ERN1: variants seen among roughly 807,000 people sequenced by gnomAD.
ERN1 encodes the protein endoplasmic reticulum to nucleus signaling 1, also known as serine/threonine-protein kinase/endoribonuclease IRE1.
A neutral mutation model predicts 113.1 loss-of-function variants in ERN1; 39 were observed. The ratio of observed to expected loss-of-function variants is 0.34; its 90% confidence interval spans 0.27 to 0.45. The LOEUF (loss-of-function observed/expected upper bound fraction) is 0.45. Ranked by LOEUF, ERN1 falls within the 20% of genes least tolerant of loss-of-function variation. The pLI is 1.00. For synonymous variants in ERN1, 507 were observed against 515.9 expected (o/e 0.98, Z 0.23); for missense variants, 976 against 1,274.8 (o/e 0.77, Z 3.57).
At position 64,064,040 on chromosome 17, in the gene ERN1, C is replaced by T. The variant is rs764921751; in HGVS notation, c.1033G>A (p.Gly345Arg). The change falls in exon 10 of 22, where the codon GGA becomes AGA. Residue 345 changes from glycine (G) to arginine (R), a missense_variant. Coordinates refer to ENST00000433197, the MANE Select transcript of ERN1 (RefSeq NM_001433.5). ...TTGAGCTTGTTCTTGCTTTTGAGTC[C>T]GGGATCAAACTTGACGTCCGTGCTG... ...TPSTDVKFDP[G>R]LKSKNKLNYL... 26 of 1,613,936 alleles carry T rather than the reference C, an allele frequency of 1.6e-5. 1 individual carries two copies. Among genetic ancestry groups the T allele is most frequent in the East Asian group, 4.5e-5 (2 of 44,890 alleles).
At chr17:64,106,754 ACACACACAC>A (rs1343219884) in intron 1 of ERN1, among the ~76,000 whole-genome samples, 51 of 142,602 alleles carry the variant, frequency 3.6e-4, no homozygotes, top group African/African-American at 1.4e-3. Flanking sequence ...ACACACACAC[ACACACACAC>A]AAGCTCGCTG....
intron 1 of ERN1, among the ~76,000 whole-genome samples, chr17:64,122,887 T>G (rs565709204): frequency 6.6e-6 from 1 of 152,338 alleles, no homozygotes; most frequent in African/African-American, 2.4e-5. Flanking sequence ...AAGACTGATT[T>G]CAATAACCCG....
chr17:64,105,971 A>G (rs1279133846), intron 1 of ERN1, among the ~76,000 whole-genome samples: 2 of 152,094 alleles, frequency 1.3e-5, no homozygotes, highest in Non-Finnish European at 2.9e-5. Flanking sequence ...AAAAAAAAAA[A>G]AAAGAAAGAA....
intron 1 of ERN1, among the ~76,000 whole-genome samples, chr17:64,122,477 G>C (rs766147146): frequency 5.9e-5 from 9 of 152,134 alleles, no homozygotes; most frequent in Admixed American, 1.3e-4. Flanking sequence ...AGTTATCTTG[G>C]GAGGCTACAC....
chr17:64,095,407 C>T (rs1386983593), intron 2 of ERN1, among the ~76,000 whole-genome samples: 1 of 152,080 alleles, frequency 6.6e-6, no homozygotes, highest in Non-Finnish European at 1.5e-5. Flanking sequence ...CCAGCCTGGG[C>T]AACAGAGGGA....
At chr17:64,080,546 T>G in intron 3 of ERN1, 4 of 461,786 alleles carry the variant, frequency 8.7e-6, no homozygotes, top group African/African-American at 2.0e-5. Context: ...TCAACTTGAG[T>G]TTCATCTCAA....
intron 19 of ERN1, among the ~76,000 whole-genome samples, 165 bp from the exon 20 acceptor site, chr17:64,045,647 C>T (rs1393445855): frequency 6.6e-6 from 1 of 152,162 alleles, no homozygotes; most frequent in African/African-American, 2.4e-5. Context: ...TCCCTGTGAG[C>T]TGCTCTGTTC....
intron 12 of ERN1, among the ~76,000 whole-genome samples, chr17:64,057,593 C>G (rs1912913458): frequency 6.6e-6 from 1 of 152,172 alleles, no homozygotes; most frequent in Admixed American, 6.5e-5. Flanking sequence ...TGGTCTTGAT[C>G]TCCTGACCTT....
intron 1 of ERN1, among the ~76,000 whole-genome samples, chr17:64,124,898 A>G (rs929995203): frequency 2.6e-5 from 4 of 152,228 alleles, no homozygotes; most frequent in Non-Finnish European, 5.9e-5. Flanking sequence ...GTATGATTCC[A>G]TTTATATAAG....
intron 12 of ERN1, among the ~76,000 whole-genome samples, chr17:64,057,063 AG>A: frequency 6.6e-6 from 1 of 152,174 alleles, no homozygotes; most frequent in Non-Finnish European, 1.5e-5. Context: ...TAGGAAGTAA[AG>A]GGATGGCCAC....
chr17:64,078,513 C>G (rs146066289), intron 4 of ERN1, among the ~76,000 whole-genome samples: 240 of 152,136 alleles, frequency 1.6e-3, no homozygotes, highest in African/African-American at 5.7e-3. Flanking sequence ...TCTTTAATAT[C>G]CTACTTAATA....
rs981487563 is a variant in ERN1, at chr17:64,042,330, G to A, written c.*1658C>T. ...GATGTAGGATCACGTTAATAGTAGG[G>A]AAAAAAGTCACTTTAGCTATGATGA... On this transcript the variant is annotated 3_prime_UTR_variant, in exon 22 of 22. Coordinates refer to ENST00000433197, the MANE Select transcript of ERN1 (RefSeq NM_001433.5). The A allele has an allele frequency of 6.6e-6, 1 of 152,134 alleles. No individual in the cohort carries two copies. Among genetic ancestry groups the A allele is most frequent in the Admixed American group, 6.5e-5 (1 of 15,272 alleles). 9.4% of individuals were successfully genotyped at this position (152,134 alleles called of 1,614,324 possible). A position where few individuals can be genotyped will look rare whatever the true frequency, so the allele number is the denominator to read the frequency against.
chr17:64,075,104 C>T (rs1485632524), intron 5 of ERN1, 71 bp downstream of exon 5: 6 of 1,294,770 alleles, frequency 4.6e-6, no homozygotes, highest in South Asian at 1.3e-5. Flanking sequence ...CCTCTCTCTC[C>T]GCATGCCACT....
chr17:64,073,898 C>T (rs1243004091), intron 5 of ERN1, among the ~76,000 whole-genome samples: 1 of 152,206 alleles, frequency 6.6e-6, no homozygotes, highest in African/African-American at 2.4e-5. Context: ...CCTGCCTCAC[C>T]CTCCCAAGGT....
At chr17:64,048,242 C>T (rs1196230784) in intron 18 of ERN1, among the ~76,000 whole-genome samples, 5 of 152,154 alleles carry the variant, frequency 3.3e-5, no homozygotes, top group Admixed American at 2.6e-4. Flanking sequence ...CTACGCTGGG[C>T]CATGAGCTGT....
At chr17:64,127,757 CAAA>C (rs775462648) in intron 1 of ERN1, among the ~76,000 whole-genome samples, 5 of 87,978 alleles carry the variant, frequency 5.7e-5, no homozygotes, top group Admixed American at 1.3e-4. Flanking sequence ...AACTCCATAT[CAAA>C]AAAAAAAAAA....
At chr17:64,077,270 G>C (rs1459156401) in intron 4 of ERN1, among the ~76,000 whole-genome samples, 1 of 152,200 alleles carries the variant, frequency 6.6e-6, no homozygotes, top group Non-Finnish European at 1.5e-5. Flanking sequence ...TTGCCCATGA[G>C]AATTACTTGG....
intron 1 of ERN1, among the ~76,000 whole-genome samples, chr17:64,110,009 A>T (rs532277951): frequency 6.6e-6 from 1 of 152,188 alleles, no homozygotes; most frequent in South Asian, 2.1e-4. Flanking sequence ...TAGAAACCCA[A>T]TATACCAAAT....
intron 10 of ERN1, among the ~76,000 whole-genome samples, chr17:64,062,843 G>A (rs1043048911): frequency 2.0e-5 from 3 of 152,056 alleles, no homozygotes; most frequent in African/African-American, 4.8e-5. Context: ...TCCTTTACCC[G>A]TTATTTGGTA....
Sources: allele counts gnomAD v4.1 joint callset (sites outside exome capture counted in the v4.1 genomes callset), GRCh38; gene constraint gnomAD v4.1.1; transcripts MANE v1.5; gene names NCBI Gene and HGNC (gene_info 2026-07-23, HGNC 2026-07-21).